LNP1: variants seen among roughly 807,000 people sequenced by gnomAD.
LNP1 encodes the protein leukemia NUP98 fusion partner 1.
A neutral mutation model predicts 14.5 loss-of-function variants in LNP1; 12 were observed. The observed-to-expected ratio is 0.83, with a 90% CI of 0.53 to 1.34. The LOEUF (loss-of-function observed/expected upper bound fraction) is 1.34, where lower values mean the gene tolerates loss of function less well. Ranked by LOEUF, LNP1 falls within the 40% of genes most tolerant of loss-of-function variation. The pLI is 0.00. For synonymous variants in LNP1, 75 were observed against 71.4 expected (o/e 1.05, Z -0.26); for missense variants, 198 against 210.9 (o/e 0.94, Z 0.38).
chr3:100,428,220 C>T (rs536384225), intron 1 of LNP1, among the ~76,000 whole-genome samples: 2 of 152,240 alleles, frequency 1.3e-5, no homozygotes, highest in Non-Finnish European at 2.9e-5. Context: ...CTCCCAGTCA[C>T]AGGGTTGTTA....
In LNP1 at chr3:100,419,711, T is replaced by C. The variant is rs942000330; in HGVS notation, c.-33-9986T>C. On this transcript the variant is annotated intron_variant, in intron 1 of 3. Coordinates refer to ENST00000383693, the MANE Select transcript of LNP1 (RefSeq NM_001085451.2). The stretch of plus-strand genomic sequence containing the variant: ...TTATTTAAAGAATGCTATATAAAAA[T>C]TATTTCTATTTATATGGAATTATAT... Among the ~76,000 whole-genome samples the C allele has an allele frequency of 1.1e-4, 17 of 152,036 alleles. 1 individual carries two copies.
chr3:100,409,606 A>ATATATATTT (rs1429906485), intron 1 of LNP1, among the ~76,000 whole-genome samples: 2 of 124,436 alleles, frequency 1.6e-5, no homozygotes, highest in African/African-American at 6.4e-5. Context: ...ATATATATAT[A>ATATATATTT]TTTTTTTTTT....
intron 1 of LNP1, among the ~76,000 whole-genome samples, chr3:100,429,308 C>G (rs1040685535): frequency 3.8e-4 from 58 of 152,128 alleles, no homozygotes; most frequent in African/African-American, 1.3e-3. Flanking sequence ...TTGCCTGGAG[C>G]TGACAGGCAT....
intron 2 of LNP1, among the ~76,000 whole-genome samples, chr3:100,444,344 A>G (rs1707369704): frequency 6.6e-6 from 1 of 152,238 alleles, no homozygotes; most frequent in Non-Finnish European, 1.5e-5. Context: ...TATTACTTAT[A>G]ATGTCCATTA....
At chr3:100,435,919 C>T (rs1707290162) in intron 2 of LNP1, among the ~76,000 whole-genome samples, 1 of 152,078 alleles carries the variant, frequency 6.6e-6, no homozygotes, top group South Asian at 2.1e-4. Flanking sequence ...AGTGTGCAGC[C>T]CCCATAAACT....
At chr3:100,433,112 A>C (rs577899982) in intron 2 of LNP1, among the ~76,000 whole-genome samples, 3 of 152,272 alleles carry the variant, frequency 2.0e-5, no homozygotes, top group Non-Finnish European at 2.9e-5. Flanking sequence ...GGTTTGTTAC[A>C]TGGGTGTACA....
chr3:100,409,441 G>A (rs894007208), intron 1 of LNP1, among the ~76,000 whole-genome samples: 2 of 151,256 alleles, frequency 1.3e-5, no homozygotes, highest in Admixed American at 1.3e-4. Context: ...TCAGGAGTTC[G>A]AGGCCAGCCT....
chr3:100,406,510 GT>G (rs1359470547), intron 1 of LNP1, among the ~76,000 whole-genome samples: 1 of 151,988 alleles, frequency 6.6e-6, no homozygotes, highest in African/African-American at 2.4e-5. Context: ...CTGTGGTGGT[GT>G]TTTTGATTGC....
intron 2 of LNP1, among the ~76,000 whole-genome samples, chr3:100,432,296 C>A (rs1029826184): frequency 1.3e-5 from 2 of 151,516 alleles, no homozygotes; most frequent in Non-Finnish European, 2.9e-5. Context: ...TTTTTTTCCC[C>A]ACTTCTCCTT....
Position 100,402,049 on chromosome 3 carries a change from G to C in LNP1, c.-424G>C, listed in dbSNP as rs1329883777. 6.6e-6 allele frequency: 1 copy of C among 152,154 alleles called. No individual in the cohort carries two copies. The highest frequency in any genetic ancestry group is 1.9e-4 in the East Asian group (1 of 5,204). The allele number at this position is 152,154 out of a possible 1,614,324, so 9.4% of individuals were successfully genotyped here. A position where few individuals can be genotyped will look rare whatever the true frequency, so the allele number is the denominator to read the frequency against. ...CAGTAGCAGTCTCAGCCCTCTTCTC[G>C]TCTCATTCCCAAATCGTAATTTCAG... On this transcript the variant is annotated 5_prime_UTR_variant, in exon 1 of 4. Transcript: ENST00000383693.
intron 2 of LNP1, among the ~76,000 whole-genome samples, chr3:100,441,828 A>C (rs1297146095): frequency 6.6e-6 from 1 of 151,662 alleles, no homozygotes. Flanking sequence ...ATACCCAGCT[A>C]ATTTTTTTGT....
intron 3 of LNP1, among the ~76,000 whole-genome samples, chr3:100,453,985 C>G (rs1206309404): frequency 6.6e-6 from 1 of 152,204 alleles, no homozygotes; most frequent in Non-Finnish European, 1.5e-5. Context: ...GGAGCACTTT[C>G]TCAGTCTTTC....
intron 2 of LNP1, among the ~76,000 whole-genome samples, chr3:100,442,730 T>TG (rs1452246147): frequency 6.6e-6 from 1 of 152,176 alleles, no homozygotes; most frequent in African/African-American, 2.4e-5. Flanking sequence ...CTTAGTGATT[T>TG]GGGGGCCCCA....
At chr3:100,453,042 A>G (rs1472350641) in intron 3 of LNP1, among the ~76,000 whole-genome samples, 1 of 152,172 alleles carries the variant, frequency 6.6e-6, no homozygotes, top group African/African-American at 2.4e-5. Context: ...CTGGTTCTGG[A>G]GCTAGACTCT....
chr3:100,440,117 C>T (rs1240854407), intron 2 of LNP1, among the ~76,000 whole-genome samples: 1 of 152,212 alleles, frequency 6.6e-6, no homozygotes, highest in Non-Finnish European at 1.5e-5. Context: ...TTTCTTCTGA[C>T]AGTGAGCAAC....
chr3:100,416,674 A>C (rs1707087509), intron 1 of LNP1, among the ~76,000 whole-genome samples: 2 of 150,124 alleles, frequency 1.3e-5, no homozygotes, highest in Admixed American at 6.7e-5. Flanking sequence ...CTTTTTTTAA[A>C]AAAAATATTT....
chr3:100,405,454 T>C (rs1210864939), intron 1 of LNP1, among the ~76,000 whole-genome samples: 2 of 152,198 alleles, frequency 1.3e-5, no homozygotes, highest in Non-Finnish European at 2.9e-5. Flanking sequence ...TAATAAACTA[T>C]AGAAATTTAT....
At chr3:100,402,743 GT>G (rs894570894) in intron 1 of LNP1, among the ~76,000 whole-genome samples, 14 of 148,674 alleles carry the variant, frequency 9.4e-5, no homozygotes, top group Admixed American at 2.0e-4. Context: ...CATATTTGAA[GT>G]TTTTTTTTTA....
chr3:100,449,261 TA>T (rs1406348977), intron 2 of LNP1, among the ~76,000 whole-genome samples: 1 of 149,488 alleles, frequency 6.7e-6, no homozygotes, highest in Non-Finnish European at 1.5e-5. Context: ...TTTTTTTTTT[TA>T]ATAAAGACAT....
Sources: allele counts gnomAD v4.1 joint callset (sites outside exome capture counted in the v4.1 genomes callset), GRCh38; gene constraint gnomAD v4.1.1; transcripts MANE v1.5; gene names NCBI Gene and HGNC (gene_info 2026-07-23, HGNC 2026-07-21).